Variants in SMOC2 observed in about 807,000 individuals in gnomAD.
SMOC2 encodes the protein SPARC-related modular calcium-binding protein 2.
SMOC2 carries 39 observed loss-of-function variants against 61.4 expected under a neutral mutation model. That is an observed-to-expected ratio of 0.64 (90% CI 0.49 to 0.83). SMOC2 has a LOEUF of 0.83. Ranked by LOEUF, SMOC2 falls within the 40% of genes least tolerant of loss-of-function variation. The probability of loss-of-function intolerance (pLI) is 0.00; values close to 1 mark genes in which losing one functional copy is unlikely to be tolerated. For missense variants in SMOC2, 556 were observed against 592.9 expected (o/e 0.94, Z 0.65); for synonymous variants, 247 against 239.9 (o/e 1.03, Z -0.27).
intron 1 of SMOC2, among the ~76,000 whole-genome samples, chr6:168,456,397 A>T (rs1781588964): frequency 6.6e-6 from 1 of 152,202 alleles, no homozygotes; most frequent in Admixed American, 6.5e-5. Flanking sequence ...CCCTTGAGTT[A>T]ACCTCAACCA....
At chr6:168,625,927 G>T (rs916097519) in intron 9 of SMOC2, among the ~76,000 whole-genome samples, 12 of 152,346 alleles carry the variant, frequency 7.9e-5, no homozygotes, top group Middle Eastern at 3.4e-3. Flanking sequence ...TTACGTGTTT[G>T]ATCGCCTGGC....
At chr6:168,554,118 CA>C (rs767824087) in intron 7 of SMOC2, among the ~76,000 whole-genome samples, 25 of 143,762 alleles carry the variant, frequency 1.7e-4, no homozygotes, top group Non-Finnish European at 3.1e-4. Context: ...GGTTAAAACT[CA>C]CCTTTGAACT....
At chr6:168,542,729 T>G (rs1783899425) in intron 4 of SMOC2, among the ~76,000 whole-genome samples, 1 of 152,178 alleles carries the variant, frequency 6.6e-6, no homozygotes, top group Non-Finnish European at 1.5e-5. Flanking sequence ...TCCAATGAAT[T>G]GCTTGTAAAT....
At chr6:168,557,724 G>A (rs1364585612) in intron 7 of SMOC2, among the ~76,000 whole-genome samples, 1 of 152,124 alleles carries the variant, frequency 6.6e-6, no homozygotes, top group Non-Finnish European at 1.5e-5. Flanking sequence ...GTTGCTCATG[G>A]GTCTGATGTT....
At position 168,619,328 on chromosome 6, in the gene SMOC2, G is replaced by A. The variant is rs910113352; in HGVS notation, c.907+11089G>A. On this transcript the variant is annotated intron_variant, in intron 9 of 12. Coordinates refer to ENST00000356284, the MANE Select transcript of SMOC2 (RefSeq NM_001166412.2). ...GAGATGGAATAAAGTTTAGATTTAC[G>A]TTCATCATGAAAAAGGCATCTGCCA... Among the ~76,000 whole-genome samples the A allele has an allele frequency of 7.3e-5, 11 of 150,310 alleles. No homozygotes were observed. In the East Asian group the frequency reaches 2.1e-3, roughly 29 times the overall value.
chr6:168,528,649 G>C (rs1429044848), intron 4 of SMOC2, among the ~76,000 whole-genome samples: 1 of 152,208 alleles, frequency 6.6e-6, no homozygotes, highest in East Asian at 1.9e-4. Context: ...ACCTCTGTGG[G>C]TTCCAGGAGA....
At chr6:168,564,606 T>C (rs947183210) in intron 7 of SMOC2, among the ~76,000 whole-genome samples, 2 of 152,260 alleles carry the variant, frequency 1.3e-5, no homozygotes, top group African/African-American at 4.8e-5. Context: ...GGATGGCACA[T>C]TCTGTCATAC....
intron 1 of SMOC2, among the ~76,000 whole-genome samples, chr6:168,446,100 C>T (rs1196027718): frequency 2.0e-5 from 3 of 152,204 alleles, no homozygotes; most frequent in African/African-American, 4.8e-5. Flanking sequence ...CAGTGGCTCA[C>T]GCCTGTAATC....
chr6:168,485,457 G>A (rs886205010), intron 1 of SMOC2, among the ~76,000 whole-genome samples: 3 of 152,162 alleles, frequency 2.0e-5, no homozygotes, highest in African/African-American at 7.2e-5. Context: ...TAAGTAAAAT[G>A]CAGCCTAGTC....
At chr6:168,493,586 C>T (rs768745408) in intron 1 of SMOC2, among the ~76,000 whole-genome samples, 16 of 152,128 alleles carry the variant, frequency 1.1e-4, no homozygotes, top group Non-Finnish European at 1.9e-4. Context: ...AAGATATCTT[C>T]AGAATGGAAA....
At position 168,547,919 on chromosome 6, in the gene SMOC2, G is replaced by A. The variant is rs148931758; in HGVS notation, c.562+750G>A. Among the ~76,000 whole-genome samples the A allele has an allele frequency of 1.9e-3, 282 of 152,228 alleles. 2 individuals carry two copies. The highest frequency in any genetic ancestry group is 6.1e-3 in the African/African-American group (255 of 41,524). ...TTTTACAGCTTGGATAATATAAAAT[G>A]TATGGCCATTTTCCCTGTTTACATT... On this transcript the variant is annotated intron_variant, in intron 6 of 12. Transcript: ENST00000356284.
intron 1 of SMOC2, among the ~76,000 whole-genome samples, chr6:168,451,566 G>T (rs1332461148): frequency 6.7e-6 from 1 of 150,140 alleles, no homozygotes; most frequent in Non-Finnish European, 1.5e-5. Flanking sequence ...CTGCCAGGCA[G>T]CTCGCGCTCT....
intron 8 of SMOC2, among the ~76,000 whole-genome samples, chr6:168,600,372 A>G (rs990918572): frequency 7.2e-6 from 1 of 139,840 alleles, no homozygotes; most frequent in African/African-American, 2.7e-5. Context: ...ACACCATTGC[A>G]CTCCAGCCTG....
intron 7 of SMOC2, among the ~76,000 whole-genome samples, chr6:168,560,391 G>A (rs1033012767): frequency 3.9e-5 from 6 of 152,228 alleles, no homozygotes; most frequent in Non-Finnish European, 7.3e-5. Flanking sequence ...TTTAAGTGAT[G>A]GAAGAGTCAT....
chr6:168,647,464 G>A (rs1192144922), intron 9 of SMOC2, among the ~76,000 whole-genome samples: 1 of 152,210 alleles, frequency 6.6e-6, no homozygotes, highest in African/African-American at 2.4e-5. Context: ...GTTACAGCAA[G>A]GGTTGGCAGG....
At chr6:168,546,634 G>A (rs1038358739) in intron 5 of SMOC2, among the ~76,000 whole-genome samples, 1 of 152,054 alleles carries the variant, frequency 6.6e-6, no homozygotes, top group Non-Finnish European at 1.5e-5. Context: ...GGTGTAGAAA[G>A]GGGTCCAGGA....
At chr6:168,546,648 T>A (rs1424656122) in intron 5 of SMOC2, among the ~76,000 whole-genome samples, 2 of 152,092 alleles carry the variant, frequency 1.3e-5, no homozygotes, top group Non-Finnish European at 2.9e-5. Context: ...TCCAGGATTC[T>A]CCAACCCTTG....
At chr6:168,591,382 T>C (rs1434837961) in intron 7 of SMOC2, among the ~76,000 whole-genome samples, 5 of 152,188 alleles carry the variant, frequency 3.3e-5, no homozygotes, top group African/African-American at 1.2e-4. Context: ...CATGCAATCA[T>C]AGTTATACTA....
At chr6:168,524,668 T>A (rs1475252552) in intron 2 of SMOC2, among the ~76,000 whole-genome samples, 1 of 152,260 alleles carries the variant, frequency 6.6e-6, no homozygotes, top group Admixed American at 6.5e-5. Flanking sequence ...AGGACAGAAG[T>A]CCAGCAAAGC....
Sources: gnomAD v4.1 joint callset for allele counts (sites outside exome capture counted in the v4.1 genomes callset) on GRCh38, gnomAD v4.1.1 for gene constraint, MANE v1.5 for transcripts, NCBI Gene and HGNC (gene_info 2026-07-23, HGNC 2026-07-21) for gene names.